KDM5B: variants seen among roughly 807,000 people sequenced by gnomAD.
KDM5B encodes the protein lysine demethylase 5B.
Under a neutral mutation model 193.4 loss-of-function variants are expected in KDM5B, and 144 were observed. The observed-to-expected ratio is 0.74, with a 90% CI of 0.65 to 0.86. KDM5B has a LOEUF of 0.86. Among genes scored for constraint, KDM5B ranks in the 40% least tolerant of loss-of-function variants. KDM5B has a pLI of 0.00. For missense variants in KDM5B, 1,833 were observed against 1,886.9 expected, an observed-to-expected ratio of 0.97 and a Z score of 0.53; for synonymous variants, 668 against 682.6, an observed-to-expected ratio of 0.98 and a Z score of 0.33.
rs1654613858 is a variant in KDM5B, at chr1:202,724,548, C to A, written c.*4488G>T. 1 of 152,148 alleles carries A rather than the reference C, an allele frequency of 6.6e-6. No individual in the cohort carries two copies. The highest frequency in any genetic ancestry group is 6.6e-5 in the Admixed American group (1 of 15,260). The allele number at this position is 152,148 out of a possible 1,614,324, so 9.4% of individuals were successfully genotyped here. ...TAAAGAAGCTCAATCAAGCTCACAT[C>A]ATAGATAATGCATTATGGCTATTAT... On this transcript the variant is annotated 3_prime_UTR_variant, in exon 27 of 27. Coordinates refer to ENST00000367265, the MANE Select transcript of KDM5B (RefSeq NM_006618.5).
At position 202,742,511 on chromosome 1, in the gene KDM5B, A is replaced by C; in HGVS notation, c.2475-6T>G. ...TCCCTCCACCAGATCGATATCTGTA[A>C]AGACAAAGGCCCAAGGAAGCCATAT... On this transcript the variant is annotated splice_region_variant and splice_polypyrimidine_tract_variant and intron_variant, in intron 17 of 26. Transcript: ENST00000367265. The C allele has an allele frequency of 6.2e-7, 1 of 1,613,032 alleles. No homozygotes were observed. Among genetic ancestry groups the C allele is most frequent in the Non-Finnish European group, 8.5e-7 (1 of 1,179,190 alleles).
intron 8 of KDM5B, among the ~76,000 whole-genome samples, chr1:202,759,984 T>C (rs1656180729): frequency 6.6e-6 from 1 of 152,190 alleles, no homozygotes; most frequent in African/African-American, 2.4e-5. Context: ...CCAGTTTTCT[T>C]CATGGGCCTC....
intron 22 of KDM5B, 55 bp from the exon 23 acceptor site, chr1:202,733,941 A>G: frequency 6.4e-7 from 1 of 1,550,698 alleles, no homozygotes; most frequent in Admixed American, 1.9e-5. Flanking sequence ...GCCTTCCCCT[A>G]AAACTCAGAG....
intron 1 of KDM5B, among the ~76,000 whole-genome samples, chr1:202,800,667 T>C (rs143511532): frequency 2.0e-5 from 3 of 152,314 alleles, no homozygotes; most frequent in Non-Finnish European, 2.9e-5. Context: ...TCTTGGTTAC[T>C]ACTGATGTCA....
chr1:202,744,292 G>A (rs2102238812), intron 16 of KDM5B, among the ~76,000 whole-genome samples: 1 of 152,338 alleles, frequency 6.6e-6, no homozygotes, highest in South Asian at 2.1e-4. Context: ...GGGCGCAGTG[G>A]CTCACGCCTG....
chr1:202,800,919 A>T (rs1658046721), intron 1 of KDM5B, among the ~76,000 whole-genome samples: 1 of 152,222 alleles, frequency 6.6e-6, no homozygotes, highest in African/African-American at 2.4e-5. Flanking sequence ...GCCATTGACT[A>T]AAACTGAGAA....
chr1:202,729,005 A>C lies in KDM5B; in HGVS notation c.*31T>G. 6.2e-7 allele frequency: 1 copy of C among 1,613,580 alleles called. No individual in the cohort carries two copies. Among genetic ancestry groups the C allele is most frequent in the Non-Finnish European group, 8.5e-7 (1 of 1,179,626 alleles). ...CCTCTTGGTTGGAGTCCTGAATTAC[A>C]TTAAGTAGGGGGGTATCTGTTTTTG... On this transcript the variant is annotated 3_prime_UTR_variant, in exon 27 of 27. Coordinates refer to ENST00000367265, the MANE Select transcript of KDM5B (RefSeq NM_006618.5).
chr1:202,746,378 C>A, intron 14 of KDM5B, 55 bp from the exon 15 acceptor site: 5 of 1,217,648 alleles, frequency 4.1e-6, no homozygotes, highest in Non-Finnish European at 4.5e-6. Context: ...ATCCACCAGC[C>A]CAAGACAAAC....
intron 1 of KDM5B, among the ~76,000 whole-genome samples, chr1:202,800,610 G>A (rs774311699): frequency 3.9e-5 from 6 of 152,110 alleles, no homozygotes; most frequent in Admixed American, 6.5e-5. Flanking sequence ...CAAAGTGCTG[G>A]AATTACAGGT....
intron 14 of KDM5B, 76 bp from the exon 15 acceptor site, chr1:202,746,399 A>T: frequency 1.2e-6 from 1 of 834,794 alleles, no homozygotes; most frequent in Non-Finnish European, 1.8e-6. Context: ...ATGCAGTAGT[A>T]CTTGAGTCTG....
chr1:202,771,848 G>C (rs1397328883), intron 4 of KDM5B, among the ~76,000 whole-genome samples: 3 of 152,136 alleles, frequency 2.0e-5, no homozygotes. Context: ...CCAAAGTGCT[G>C]GGATTACAGG....
chr1:202,767,350 C>T lies in KDM5B; in HGVS notation c.577-290G>A, dbSNP rs1157934988. On this transcript the variant is annotated intron_variant, in intron 4 of 26. Coordinates refer to ENST00000367265, the MANE Select transcript of KDM5B (RefSeq NM_006618.5). ...TTCCACTGAAAATGGCAAATTCTTC[C>T]CAGGGCCCTCCTCACAGTGGCTCCT... 16 of 1,583,730 alleles carry T rather than the reference C, an allele frequency of 1.0e-5. No homozygotes were observed. The African/African-American group carries it at 1.6e-4, about 16-fold the overall frequency.
intron 10 of KDM5B, 94 bp from the exon 11 acceptor site, chr1:202,755,546 A>C: frequency 9.6e-7 from 1 of 1,037,548 alleles, no homozygotes; most frequent in Non-Finnish European, 1.4e-6. Flanking sequence ...CAAAATAAAA[A>C]AAGAAATGTG....
At chr1:202,739,932 C>T (rs1572711717) in intron 20 of KDM5B, among the ~76,000 whole-genome samples, 1 of 152,224 alleles carries the variant, frequency 6.6e-6, no homozygotes. Context: ...CCTTTCCCCC[C>T]TTTCTATTCC....
At chr1:202,788,734 T>A (rs1657516732) in intron 1 of KDM5B, among the ~76,000 whole-genome samples, 1 of 152,176 alleles carries the variant, frequency 6.6e-6, no homozygotes, top group South Asian at 2.1e-4. Flanking sequence ...ACATATTACT[T>A]CAGCATGCCT....
At chr1:202,759,443 A>T (rs1656150791) in intron 8 of KDM5B, among the ~76,000 whole-genome samples, 1 of 151,656 alleles carries the variant, frequency 6.6e-6, no homozygotes, top group African/African-American at 2.4e-5. Flanking sequence ...TGGGAGGCTG[A>T]GACGGGAGGA....
chr1:202,784,170 C>A (rs992443972), intron 1 of KDM5B, among the ~76,000 whole-genome samples: 5 of 152,074 alleles, frequency 3.3e-5, no homozygotes, highest in Admixed American at 1.3e-4. Context: ...TATTAACATC[C>A]ACATATTTAA....
In KDM5B at chr1:202,770,620, C is replaced by T. The variant is rs151089621; in HGVS notation, c.576+2498G>A. Among the ~76,000 whole-genome samples the T allele has an allele frequency of 5.3e-5, 8 of 152,178 alleles. No homozygotes were observed. In the East Asian group the frequency reaches 1.2e-3, roughly 22 times the overall value. ...AGTCTGGCTATAAAAAACGGATTGCCGCAGTCATTAGAAATTGCATTTTCA... is the reference window on the plus strand; with the variant it reads ...AGTCTGGCTATAAAAAACGGATTGCTGCAGTCATTAGAAATTGCATTTTCA... On this transcript the variant is annotated intron_variant, in intron 4 of 26. Coordinates refer to ENST00000367265, the MANE Select transcript of KDM5B (RefSeq NM_006618.5).
At chr1:202,732,556 T>C (rs966908234) in intron 23 of KDM5B, among the ~76,000 whole-genome samples, 3 of 152,006 alleles carry the variant, frequency 2.0e-5, no homozygotes, top group African/African-American at 7.2e-5. Context: ...CATCTATGTG[T>C]CAGGCACTGT....
Sources: gnomAD v4.1 joint callset for allele counts (sites outside exome capture counted in the v4.1 genomes callset) on GRCh38, gnomAD v4.1.1 for gene constraint, MANE v1.5 for transcripts, NCBI Gene and HGNC (gene_info 2026-07-23, HGNC 2026-07-21) for gene names.